Variants in TLN2 observed in about 807,000 individuals in gnomAD.
TLN2 encodes the protein talin 2.
In TLN2, 118 loss-of-function variants were observed where a neutral mutation model predicts 294.7. That is an observed-to-expected ratio of 0.40 (90% CI 0.34 to 0.47). The LOEUF (loss-of-function observed/expected upper bound fraction) is 0.47, where lower values mean the gene tolerates loss of function less well. Among genes scored for constraint, TLN2 ranks in the 20% least tolerant of loss-of-function variants. TLN2 has a pLI of 0.84. For synonymous variants in TLN2, 1,431 were observed against 1,304.5 expected (o/e 1.10, Z -2.09); for missense variants, 3,083 against 3,282.2 (o/e 0.94, Z 1.48).
intron 48 of TLN2, among the ~76,000 whole-genome samples, chr15:62,797,759 T>C (rs182042230): frequency 6.6e-6 from 1 of 152,116 alleles, no homozygotes; most frequent in East Asian, 1.9e-4. Context: ...AGAGCTGGTG[T>C]GGGCAGGGGG....
chr15:62,627,018 G>A (rs1228692352), intron 3 of TLN2, among the ~76,000 whole-genome samples: 3 of 152,196 alleles, frequency 2.0e-5, no homozygotes. Flanking sequence ...TAGGATTGTG[G>A]ATATATTGCT....
intron 7 of TLN2, among the ~76,000 whole-genome samples, chr15:62,654,670 G>T (rs1448928689): frequency 6.9e-6 from 1 of 144,650 alleles, no homozygotes; most frequent in Non-Finnish European, 1.5e-5. Flanking sequence ...CAGGAGAATC[G>T]CTTGAACCCG....
intron 1 of TLN2, among the ~76,000 whole-genome samples, chr15:62,462,948 A>T (rs960140817): frequency 6.6e-6 from 1 of 152,208 alleles, no homozygotes; most frequent in Non-Finnish European, 1.5e-5. Flanking sequence ...GGAAGGAGAC[A>T]CTAAGGACAG....
At chr15:62,503,420 G>A (rs1303843812) in intron 1 of TLN2, among the ~76,000 whole-genome samples, 1 of 152,108 alleles carries the variant, frequency 6.6e-6, no homozygotes, top group African/African-American at 2.4e-5. Flanking sequence ...TCAACTTTTA[G>A]CACTGATTTC....
At chr15:62,764,642 A>C (rs548679203) in intron 40 of TLN2, among the ~76,000 whole-genome samples, 1 of 152,138 alleles carries the variant, frequency 6.6e-6, no homozygotes, top group South Asian at 2.1e-4. Context: ...AGGCCTTTCA[A>C]CCGGCAGCCA....
At chr15:62,485,438 A>G (rs1485665173) in intron 1 of TLN2, among the ~76,000 whole-genome samples, 7 of 152,146 alleles carry the variant, frequency 4.6e-5, no homozygotes, top group Non-Finnish European at 8.8e-5. Flanking sequence ...TCTCCGTCTC[A>G]GGCTGCATCC....
intron 1 of TLN2, among the ~76,000 whole-genome samples, chr15:62,525,061 C>A (rs912436482): frequency 1.3e-5 from 2 of 152,162 alleles, no homozygotes; most frequent in African/African-American, 4.8e-5. Context: ...TTCACAACCT[C>A]CTTTTGTGAA....
At chr15:62,713,796 G>A (rs2059582215) in intron 22 of TLN2, among the ~76,000 whole-genome samples, 1 of 151,896 alleles carries the variant, frequency 6.6e-6, no homozygotes, top group African/African-American at 2.4e-5. Context: ...GGGTAGGGGT[G>A]AAAGAGAGAC....
chr15:62,481,552 G>A (rs1030761284), intron 1 of TLN2, among the ~76,000 whole-genome samples: 2 of 152,008 alleles, frequency 1.3e-5, no homozygotes, highest in African/African-American at 4.8e-5. Context: ...TGTAGATACA[G>A]GGTCACACCA....
chr15:62,593,248 T>C (rs2046225284), intron 2 of TLN2, among the ~76,000 whole-genome samples: 1 of 152,238 alleles, frequency 6.6e-6, no homozygotes, highest in Non-Finnish European at 1.5e-5. Context: ...CTTTGGATTA[T>C]GCTTCTTGAT....
chr15:62,838,899 G>C lies in TLN2; in HGVS notation c.7418G>C (p.Arg2473Pro). The change falls in exon 58 of 59, where the codon CGT (arginine) becomes CCT (proline). Residue 2473 changes from arginine to proline, a missense_variant. Coordinates refer to ENST00000636159, the MANE Select transcript of TLN2 (RefSeq NM_015059.3). ...AAAAGAGCCTCAGACAATCTTGTCC[G>C]TGCAGCCCAGAAGGCAGCTTTTGGC... The part of the protein sequence containing the change: ...AVKRASDNLV[R>P]AAQKAAFGKA... The C allele has an allele frequency of 6.2e-7, 1 of 1,611,538 alleles. No individual in the cohort carries two copies. Among genetic ancestry groups the C allele is most frequent in the Non-Finnish European group, 8.5e-7 (1 of 1,179,994 alleles).
chr15:62,696,554 G>T (rs992649981), intron 14 of TLN2, among the ~76,000 whole-genome samples: 12 of 151,938 alleles, frequency 7.9e-5, no homozygotes, highest in African/African-American at 2.7e-4. Context: ...TAAAAATACA[G>T]AAAATTAGCC....
chr15:62,797,282 T>C lies in TLN2; in HGVS notation c.6114T>C (p.Ala2038=). The change falls in exon 48 of 59, where the codon GCT becomes GCC. Residue 2038 remains alanine (A), a synonymous_variant. Coordinates refer to ENST00000636159, the MANE Select transcript of TLN2 (RefSeq NM_015059.3). The part of the protein sequence containing the change: ...VEDTKLLVSG[A]ASTPDKLAQA... Reference sequence around the variant, plus strand: ...ACACGAAACTACTTGTGTCAGGAGCTGCGTCCACTCCTGACAAGCTGGCCC... The same window carrying C: ...ACACGAAACTACTTGTGTCAGGAGCCGCGTCCACTCCTGACAAGCTGGCCC... 6.2e-7 allele frequency: 1 copy of C among 1,613,840 alleles called. No individual in the cohort carries two copies. The highest frequency in any genetic ancestry group is 8.5e-7 in the Non-Finnish European group (1 of 1,180,012).
At chr15:62,391,819 G>A (rs1280713444) in intron 1 of TLN2, among the ~76,000 whole-genome samples, 1 of 152,246 alleles carries the variant, frequency 6.6e-6, no homozygotes, top group Non-Finnish European at 1.5e-5. Flanking sequence ...ACCCGGCCTT[G>A]GGGCTCCGAG....
intron 1 of TLN2, among the ~76,000 whole-genome samples, chr15:62,581,302 C>T (rs1012957415): frequency 1.3e-5 from 2 of 152,146 alleles, no homozygotes; most frequent in Admixed American, 1.3e-4. Context: ...GATTTAATTT[C>T]CTCCATGTCT....
At chr15:62,638,625 A>G (rs1185909898) in intron 3 of TLN2, 1 of 455,948 alleles carries the variant, frequency 2.2e-6, no homozygotes, top group South Asian at 1.5e-5. Context: ...TCACCTGAAA[A>G]TGGAAAATAG....
chr15:62,704,126 T>C (rs758816220), intron 19 of TLN2, among the ~76,000 whole-genome samples: 13 of 152,188 alleles, frequency 8.5e-5, no homozygotes, highest in Admixed American at 5.9e-4. Context: ...CCTTCACTTA[T>C]TAAAATGTTT....
At chr15:62,691,772 C>T (rs2057936443) in intron 12 of TLN2, among the ~76,000 whole-genome samples, 1 of 151,876 alleles carries the variant, frequency 6.6e-6, no homozygotes, top group South Asian at 2.1e-4. Context: ...TGGGCTCAAG[C>T]GATCCTCCTC....
Position 62,797,240 on chromosome 15 carries a change from C to A in TLN2, c.6072C>A (p.Ala2024=), listed in dbSNP as rs1307492042. The A allele has an allele frequency of 6.2e-7, 1 of 1,614,016 alleles. No individual in the cohort carries two copies. Among genetic ancestry groups the A allele is most frequent in the East Asian group, 2.2e-5 (1 of 44,884 alleles). ...ADHRENILKT[A]KALVEDTKLL... ...TCAGGGAGAACATTCTCAAGACGGC[C>A]AAGGCCTTGGTAGAAGACACGAAAC... Residue 2024 remains alanine, a synonymous_variant, in exon 48 of 59, where the codon GCC becomes GCA. Coordinates refer to ENST00000636159, the MANE Select transcript of TLN2 (RefSeq NM_015059.3).
Sources: gnomAD v4.1 joint callset for allele counts (sites outside exome capture counted in the v4.1 genomes callset) on GRCh38, gnomAD v4.1.1 for gene constraint, MANE v1.5 for transcripts, NCBI Gene and HGNC (gene_info 2026-07-23, HGNC 2026-07-21) for gene names.